SOBP: variants seen among roughly 807,000 people sequenced by gnomAD.
The protein encoded by SOBP is sine oculis binding protein homolog, also known as sine oculis-binding protein homolog.
SOBP carries 4 observed loss-of-function variants against 53.6 expected under a neutral mutation model. The ratio of observed to expected loss-of-function variants is 0.07; its 90% CI spans 0.04 to 0.17. The LOEUF (loss-of-function observed/expected upper bound fraction) is 0.17, where lower values mean the gene tolerates loss of function less well. Ranked by LOEUF, SOBP falls within the 10% of genes least tolerant of loss-of-function variation. The pLI is 1.00. For synonymous variants in SOBP, 584 were observed against 522.6 expected (o/e 1.12, Z -1.60); for missense variants, 1,088 against 1,204.7 (o/e 0.90, Z 1.43).
rs1323571239 is a variant in SOBP, at chr6:107,634,216, C to T, written c.1372C>T (p.Pro458Ser). 1.9e-6 allele frequency: 3 copies of T among 1,598,156 alleles called. No individual in the cohort carries two copies. Among genetic ancestry groups the T allele is most frequent in the Non-Finnish European group, 2.6e-6 (3 of 1,175,460 alleles). Residue 458 changes from proline to serine, a missense_variant, in exon 6 of 7, where the codon CCC (proline) becomes TCC (serine). Around this residue, in one of 6 missense-constraint regions of SOBP, gnomAD observed 665 missense variants for 629.7 expected, o/e 1.06. Transcript: ENST00000317357. The surrounding 1 kb of genome is among the most constrained non-coding windows in gnomAD (Gnocchi z 4.5). ...SSPMHRPMLS[P>S]HIHPPSTPTM... ...CCCCATGCACCGGCCCATGCTATCG[C>T]CCCACATCCACCCCCCGAGCACCCC...
chr6:107,644,283 G>A (rs974403774), intron 6 of SOBP, among the ~76,000 whole-genome samples: 8 of 152,162 alleles, frequency 5.3e-5, no homozygotes, highest in African/African-American at 1.2e-4. Context: ...CAGCCTGGGC[G>A]ACACAGTGAG....
At position 107,559,562 on chromosome 6, in the gene SOBP, T is replaced by G. The variant is rs576878803; in HGVS notation, c.573+25952T>G. 2.3e-4 allele frequency among the ~76,000 whole-genome samples: 35 copies of G among 152,352 alleles called. No individual in the cohort carries two copies. In the South Asian group the frequency reaches 7.3e-3, roughly 32 times the overall value. On this transcript the variant is annotated intron_variant, in intron 4 of 6. Transcript: ENST00000317357. The stretch of plus-strand genomic sequence containing the variant: ...CCTAGTCCTGTCAAGAATAAATGGA[T>G]CCACAGTCAGAGGATCCTTAATCTC...
At chr6:107,639,819 C>T (rs1771229126) in intron 6 of SOBP, among the ~76,000 whole-genome samples, 1 of 152,160 alleles carries the variant, frequency 6.6e-6, no homozygotes, top group Admixed American at 6.5e-5. Flanking sequence ...AGGGAAATGA[C>T]ATAGACTCTT....
intron 6 of SOBP, among the ~76,000 whole-genome samples, chr6:107,644,635 A>G (rs1162495356): frequency 6.6e-6 from 1 of 152,214 alleles, no homozygotes; most frequent in Non-Finnish European, 1.5e-5. Context: ...GGCTGGCAAA[A>G]TACAACTTTC....
chr6:107,642,873 A>G (rs1176953503), intron 6 of SOBP, among the ~76,000 whole-genome samples: 1 of 152,264 alleles, frequency 6.6e-6, no homozygotes, highest in Non-Finnish European at 1.5e-5. Flanking sequence ...AAAAAAATAC[A>G]ACTAAAAAGT....
At chr6:107,625,901 G>T (rs1770438926) in intron 5 of SOBP, among the ~76,000 whole-genome samples, 1 of 152,190 alleles carries the variant, frequency 6.6e-6, no homozygotes, top group South Asian at 2.1e-4. Context: ...TGGGCAACTA[G>T]CATACTTCAC....
intron 6 of SOBP, among the ~76,000 whole-genome samples, chr6:107,639,333 T>G (rs556855867): frequency 7.6e-4 from 114 of 150,244 alleles, no homozygotes; most frequent in African/African-American, 1.7e-3. Flanking sequence ...AATTATAGGG[T>G]TTTTTTTTCC....
At chr6:107,582,588 G>A (rs1785437336) in intron 4 of SOBP, among the ~76,000 whole-genome samples, 1 of 151,272 alleles carries the variant, frequency 6.6e-6, no homozygotes, top group African/African-American at 2.4e-5. Context: ...TAGAATAATA[G>A]GTCAAAAATG....
At chr6:107,597,494 G>A (rs1287006418) in intron 5 of SOBP, among the ~76,000 whole-genome samples, 1 of 151,946 alleles carries the variant, frequency 6.6e-6, no homozygotes. Flanking sequence ...TAGAAATGTG[G>A]GTATTTATAT....
At chr6:107,614,600 C>A (rs527595670) in intron 5 of SOBP, among the ~76,000 whole-genome samples, 48 of 152,300 alleles carry the variant, frequency 3.2e-4, no homozygotes, top group African/African-American at 1.1e-3. Flanking sequence ...AGGATGAACA[C>A]TTTTATAAAG....
chr6:107,533,165 CTTTTT>C (rs755278856), intron 3 of SOBP, among the ~76,000 whole-genome samples: 1 of 109,470 alleles, frequency 9.1e-6, no homozygotes. Context: ...GCAGATGAAG[CTTTTT>C]TTTTTTTTTT....
intron 4 of SOBP, among the ~76,000 whole-genome samples, chr6:107,563,254 C>T (rs188858032): frequency 4.6e-5 from 7 of 152,164 alleles, no homozygotes; most frequent in East Asian, 3.9e-4. Context: ...GAGACCCCAT[C>T]GCAAACAAAG....
chr6:107,561,931 G>A (rs1385447075), intron 4 of SOBP, among the ~76,000 whole-genome samples: 1 of 151,916 alleles, frequency 6.6e-6, no homozygotes, highest in Admixed American at 6.6e-5. Flanking sequence ...CTGTGTCTGA[G>A]ATTCTGTGGT....
chr6:107,532,956 C>T (rs1783874969), intron 3 of SOBP, among the ~76,000 whole-genome samples: 2 of 152,064 alleles, frequency 1.3e-5, no homozygotes, highest in Admixed American at 1.3e-4. Context: ...TAAACAATAG[C>T]ACATATCATT....
At chr6:107,566,197 C>T (rs1784913437) in intron 4 of SOBP, among the ~76,000 whole-genome samples, 1 of 152,226 alleles carries the variant, frequency 6.6e-6, no homozygotes, top group South Asian at 2.1e-4. Flanking sequence ...GGAAAATGGA[C>T]AACTTAGTTC....
In SOBP at chr6:107,546,449, G is replaced by A. The variant is rs116917740; in HGVS notation, c.573+12839G>A. 3.9e-3 allele frequency among the ~76,000 whole-genome samples: 593 copies of A among 152,282 alleles called. 2 individuals are homozygous for A. Among genetic ancestry groups the A allele is most frequent in the Non-Finnish European group, 6.8e-3 (461 of 68,012 alleles). Reference sequence around the variant, plus strand: ...TTGCTGATAGCATTAAAAATAGCACGTATACTTGAGAGTGGAGAAGTCACT... The same window carrying A: ...TTGCTGATAGCATTAAAAATAGCACATATACTTGAGAGTGGAGAAGTCACT... On this transcript the variant is annotated intron_variant, in intron 4 of 6. Coordinates refer to ENST00000317357, the MANE Select transcript of SOBP (RefSeq NM_018013.4).
intron 4 of SOBP, among the ~76,000 whole-genome samples, chr6:107,541,413 T>G (rs1328090738): frequency 6.6e-6 from 1 of 152,316 alleles, no homozygotes; most frequent in Admixed American, 6.5e-5. Context: ...TGATTATTTT[T>G]CCATCGAAAT....
At chr6:107,604,658 A>T (rs2115090186) in intron 5 of SOBP, among the ~76,000 whole-genome samples, 1 of 152,238 alleles carries the variant, frequency 6.6e-6, no homozygotes, top group South Asian at 2.1e-4. Flanking sequence ...GTCAGGGGAC[A>T]GGCGGGCTCT....
chr6:107,609,171 T>C (rs528232531), intron 5 of SOBP, among the ~76,000 whole-genome samples: 1 of 152,244 alleles, frequency 6.6e-6, no homozygotes, highest in South Asian at 2.1e-4. Context: ...TGTGTACTTA[T>C]TTGTAAATTG....
Sources: gnomAD v4.1 joint callset for allele counts (sites outside exome capture counted in the v4.1 genomes callset) on GRCh38, gnomAD v4.1.1 for gene constraint, gnomAD v4.1.1 regional missense constraint, Gnocchi (gnomAD v3.1) non-coding constraint, MANE v1.5 for transcripts, NCBI Gene and HGNC (gene_info 2026-07-23, HGNC 2026-07-21) for gene names.